SHLD2: variants seen among roughly 807,000 people sequenced by gnomAD.
The protein encoded by SHLD2 is RINN1-REV7-interacting novel NHEJ regulator 2.
In SHLD2, 30 loss-of-function variants were observed where a neutral mutation model predicts 73.2. That is an observed-to-expected ratio of 0.41 (90% CI 0.31 to 0.56). SHLD2 has a LOEUF of 0.56. SHLD2 is among the 20% of genes least tolerant of loss of function. The pLI is 0.28. For synonymous variants in SHLD2, 285 were observed against 370.1 expected, an observed-to-expected ratio of 0.77 and a Z score of 2.64; for missense variants, 745 against 1,055.9, an observed-to-expected ratio of 0.71 and a Z score of 4.08.
intron 1 of SHLD2, among the ~76,000 whole-genome samples, chr10:87,096,233 C>T (rs1293840764): frequency 1.3e-5 from 2 of 151,868 alleles, no homozygotes. Context: ...TTAGTAGAGA[C>T]GGGGTTTCGC....
chr10:87,100,841 T>A (rs905074554), intron 2 of SHLD2, among the ~76,000 whole-genome samples: 2 of 152,210 alleles, frequency 1.3e-5, no homozygotes, highest in Admixed American at 1.3e-4. Flanking sequence ...ATTTTTTTTT[T>A]CCAAGATTGG....
rs1253409782 is a variant in SHLD2, at chr10:87,170,916, T to C, written c.1905T>C (p.Tyr635=). ...TGGAACAGGCCCAAGATCAACATTA[T>C]GCGCTTGTATTATGGGGTCCTGGAG... The part of the protein sequence containing the change: ...LTVEQAQDQH[Y]ALVLWGPGAA... Residue 635 remains tyrosine (Y), a synonymous_variant, in exon 6 of 10, where the codon TAT becomes TAC. Coordinates refer to ENST00000298786, the MANE Select transcript of SHLD2 (RefSeq NM_001330112.2). The C allele has an allele frequency of 6.8e-6, 11 of 1,607,208 alleles. No homozygotes were observed. Among genetic ancestry groups the C allele is most frequent in the South Asian group, 1.1e-5 (1 of 90,652 alleles).
chr10:87,173,378 T>G (rs1487990052), intron 6 of SHLD2, among the ~76,000 whole-genome samples: 5 of 152,128 alleles, frequency 3.3e-5, no homozygotes. Flanking sequence ...TAAAACATGG[T>G]CAGTCTTGTT....
chr10:87,190,438 C>T (rs764430445), intron 9 of SHLD2, 46 bp from the exon 10 acceptor site: 1 of 1,492,944 alleles, frequency 6.7e-7, no homozygotes, highest in Non-Finnish European at 9.3e-7. Flanking sequence ...GTGCTCCTGT[C>T]AAGCTAGCAG....
chr10:87,112,130 C>T (rs993577850), intron 2 of SHLD2, among the ~76,000 whole-genome samples: 1 of 150,316 alleles, frequency 6.7e-6, no homozygotes, highest in Admixed American at 6.6e-5. Flanking sequence ...CCCAGCTACT[C>T]GGGAGGCTGA....
intron 4 of SHLD2, among the ~76,000 whole-genome samples, chr10:87,158,394 A>C (rs1327553573): frequency 1.4e-4 from 21 of 152,312 alleles, no homozygotes; most frequent in Admixed American, 1.2e-3. Flanking sequence ...CCATCAGTAT[A>C]GTGGTGGTTC....
At chr10:87,122,215 C>A (rs1468779688) in intron 2 of SHLD2, among the ~76,000 whole-genome samples, 1 of 144,848 alleles carries the variant, frequency 6.9e-6, no homozygotes, top group African/African-American at 2.6e-5. Flanking sequence ...ATGAGTGCCA[C>A]AAGAGAGATT....
chr10:87,109,878 G>T (rs1842817535), intron 2 of SHLD2, among the ~76,000 whole-genome samples: 1 of 152,094 alleles, frequency 6.6e-6, no homozygotes, highest in Admixed American at 6.6e-5. Flanking sequence ...GCAGTGGTAT[G>T]GTTCTGAGGA....
At position 87,175,930 on chromosome 10, in the gene SHLD2, T is replaced by C; in HGVS notation, c.2005T>C (p.Tyr669His). The stretch of plus-strand genomic sequence containing the variant: ...TAAATATCTTTTTGTTCAGTGCAAT[T>C]ACACACTAGAAAACCTAGAATTGCA... ...EFKYLFVQCN[Y>H]TLENLELHTT... Residue 669 changes from tyrosine (Y) to histidine (H), a missense_variant, in exon 7 of 10, where the codon TAC becomes CAC. By Grantham distance (83) the Tyr-to-His change is moderately conservative. Transcript: ENST00000298786. 1 of 1,550,912 alleles carries C rather than the reference T, an allele frequency of 6.4e-7. No individual in the cohort carries two copies. Among genetic ancestry groups the C allele is most frequent in the Non-Finnish European group, 8.7e-7 (1 of 1,146,954 alleles).
At chr10:87,139,676 A>G (rs1448193320) in intron 2 of SHLD2, among the ~76,000 whole-genome samples, 1 of 152,162 alleles carries the variant, frequency 6.6e-6, no homozygotes, top group African/African-American at 2.4e-5. Context: ...AAAAATACAA[A>G]AATTAGCTGG....
At chr10:87,142,432 A>G (rs972127525) in intron 2 of SHLD2, among the ~76,000 whole-genome samples, 1 of 151,930 alleles carries the variant, frequency 6.6e-6, no homozygotes, top group African/African-American at 2.4e-5. Context: ...ACATGCCAGT[A>G]CTCCCTCCAC....
chr10:87,148,239 G>A (rs574913524), intron 2 of SHLD2, among the ~76,000 whole-genome samples: 3 of 152,246 alleles, frequency 2.0e-5, no homozygotes, highest in African/African-American at 7.2e-5. Context: ...AATTCCCAGG[G>A]CCTAGCATAA....
intron 2 of SHLD2, among the ~76,000 whole-genome samples, chr10:87,101,762 T>A (rs373794579): frequency 8.6e-5 from 13 of 152,010 alleles, no homozygotes; most frequent in African/African-American, 2.7e-4. Flanking sequence ...CACAACAAAT[T>A]AATTAGCTGG....
chr10:87,138,124 C>G (rs3129530), intron 2 of SHLD2, among the ~76,000 whole-genome samples: 1 of 151,982 alleles, frequency 6.6e-6, no homozygotes, highest in Non-Finnish European at 1.5e-5. Context: ...ATGGTAAAAC[C>G]GCGTCTCTAC....
intron 9 of SHLD2, 65 bp downstream of exon 9, chr10:87,187,265 G>C: frequency 6.3e-6 from 6 of 954,498 alleles, no homozygotes; most frequent in Non-Finnish European, 1.0e-5. Context: ...TATCGGAACA[G>C]AAAGAGCACT....
Position 87,151,339 on chromosome 10 carries a change from A to G in SHLD2, c.-5-11A>G, listed in dbSNP as rs370852422. The G allele has an allele frequency of 1.1e-5, 17 of 1,489,942 alleles. No homozygotes were observed. The highest frequency in any genetic ancestry group is 1.5e-5 in the Non-Finnish European group (17 of 1,117,114). 92.3% of individuals were successfully genotyped at this position (1,489,942 alleles called of 1,614,324 possible). On this transcript the variant is annotated splice_polypyrimidine_tract_variant and intron_variant, in intron 2 of 9. Transcript: ENST00000298786. Reference sequence around the variant, plus strand: ...ACAATATATTAATTTTGGATTTTTCATTTTTATCAGAAATCATGAGTGGAG... The same window carrying G: ...ACAATATATTAATTTTGGATTTTTCGTTTTTATCAGAAATCATGAGTGGAG...
chr10:87,164,031 C>T (rs1340774707), intron 4 of SHLD2, among the ~76,000 whole-genome samples: 1 of 149,776 alleles, frequency 6.7e-6, no homozygotes, highest in African/African-American at 2.5e-5. Context: ...GATCTTAGCT[C>T]ACTGCAACCT....
At chr10:87,133,518 A>T (rs1337584263) in intron 2 of SHLD2, among the ~76,000 whole-genome samples, 2 of 152,166 alleles carry the variant, frequency 1.3e-5, no homozygotes. Flanking sequence ...TCAAAAAAAG[A>T]TGAGTAATAA....
At chr10:87,165,936 G>A (rs189315718) in intron 4 of SHLD2, among the ~76,000 whole-genome samples, 194 of 152,194 alleles carry the variant, frequency 1.3e-3, no homozygotes, top group African/African-American at 4.5e-3. Flanking sequence ...TAAAAAAGCT[G>A]TATACGATCA....
Sources: gnomAD v4.1 joint callset for allele counts (sites outside exome capture counted in the v4.1 genomes callset) on GRCh38, gnomAD v4.1.1 for gene constraint, MANE v1.5 for transcripts, NCBI Gene and HGNC (gene_info 2026-07-23, HGNC 2026-07-21) for gene names.